Variants in MRPL48 observed in about 807,000 individuals in gnomAD.
The protein encoded by MRPL48 is mitochondrial ribosomal protein L48.
MRPL48 carries 16 observed loss-of-function variants against 32.9 expected under a neutral mutation model. That is an observed-to-expected ratio of 0.49 (90% confidence interval 0.33 to 0.74). The LOEUF (loss-of-function observed/expected upper bound fraction) is 0.74. MRPL48 is among the 30% of genes least tolerant of loss of function. MRPL48 has a pLI of 0.02. For synonymous variants in MRPL48, 94 were observed against 89.2 expected, an observed-to-expected ratio of 1.05 and a Z score of -0.31; for missense variants, 206 against 245.3, an observed-to-expected ratio of 0.84 and a Z score of 1.07.
chr11:73,800,810 CTTTTTTT>C (rs1223951183), intron 1 of MRPL48, among the ~76,000 whole-genome samples: 6,044 of 132,880 alleles, frequency 0.045, 183 homozygotes, highest in Middle Eastern at 0.094. Context: ...TTTTCTTTTT[CTTTTTTT>C]TTTTTTTTTT....
At chr11:73,792,111 A>G (rs968181584) in intron 1 of MRPL48, among the ~76,000 whole-genome samples, 2 of 152,186 alleles carry the variant, frequency 1.3e-5, no homozygotes, top group Non-Finnish European at 2.9e-5. Context: ...ATAAAACTGG[A>G]TAGAGCCAGT....
At position 73,864,447 on chromosome 11, in the gene MRPL48, A is replaced by C. The variant is rs1320404694; in HGVS notation, c.*77A>C. 2 of 1,421,148 alleles carry C rather than the reference A, an allele frequency of 1.4e-6. No individual in the cohort carries two copies. The highest frequency in any genetic ancestry group is 2.8e-5 in the African/African-American group (2 of 70,840). The allele number at this position is 1,421,148 out of a possible 1,614,324, so 88.0% of individuals were successfully genotyped here. On this transcript the variant is annotated 3_prime_UTR_variant, in exon 8 of 8. Coordinates refer to ENST00000310614, the MANE Select transcript of MRPL48 (RefSeq NM_016055.6). Reference sequence around the variant, plus strand: ...AGAGCTTACTGGGTAGTTAGAGTTCATCAGGAGACCCAACCCTTAGATTTC... The same window carrying C: ...AGAGCTTACTGGGTAGTTAGAGTTCCTCAGGAGACCCAACCCTTAGATTTC...
chr11:73,803,729 C>CT (rs955229079), intron 1 of MRPL48, among the ~76,000 whole-genome samples: 10 of 150,920 alleles, frequency 6.6e-5, no homozygotes, highest in Non-Finnish European at 1.0e-4. Context: ...TAAGAACAGA[C>CT]TTTTTTTTTG....
Position 73,859,911 on chromosome 11 carries a change from G to A in MRPL48, c.376G>A (p.Ala126Thr), listed in dbSNP as rs754985264. The A allele has an allele frequency of 5.0e-6, 8 of 1,613,498 alleles. No individual in the cohort carries two copies. The highest frequency in any genetic ancestry group is 6.8e-6 in the Non-Finnish European group (8 of 1,179,734). ...SLSIKVEESY[A>T]MPTKTIEVLQ... Reference sequence around the variant, plus strand: ...GCTGACTCTTCCTTCCCACAGTTATGCAATGCCAACCAAAACCATAGAAGT... The same window carrying A: ...GCTGACTCTTCCTTCCCACAGTTATACAATGCCAACCAAAACCATAGAAGT... Residue 126 changes from alanine (A) to threonine (T), a missense_variant, in exon 6 of 8, where the codon GCA becomes ACA. By Grantham distance (58) the Ala-to-Thr change is moderately conservative. Coordinates refer to ENST00000310614, the MANE Select transcript of MRPL48 (RefSeq NM_016055.6).
At chr11:73,794,451 A>C (rs1947212631) in intron 1 of MRPL48, among the ~76,000 whole-genome samples, 1 of 151,052 alleles carries the variant, frequency 6.6e-6, no homozygotes, top group Non-Finnish European at 1.5e-5. Context: ...GCTACTCGGG[A>C]GGTTGAGGCA....
intron 5 of MRPL48, among the ~76,000 whole-genome samples, chr11:73,845,316 T>G (rs1948269263): frequency 6.6e-6 from 1 of 152,226 alleles, no homozygotes; most frequent in Non-Finnish European, 1.5e-5. Flanking sequence ...ATAATGTGTC[T>G]GACATTCTTT....
chr11:73,808,268 T>G, intron 2 of MRPL48, 45 bp from the exon 3 acceptor site: 1 of 1,544,394 alleles, frequency 6.5e-7, no homozygotes. Flanking sequence ...GCAAATAAAA[T>G]ATGGGTTTCT....
chr11:73,788,702 G>T (rs1947095008), intron 1 of MRPL48, among the ~76,000 whole-genome samples: 1 of 151,964 alleles, frequency 6.6e-6, no homozygotes, highest in South Asian at 2.1e-4. Context: ...TCGAATTCCT[G>T]ACCACGTGAT....
At chr11:73,842,266 C>A (rs1166304904) in intron 4 of MRPL48, 1 of 152,114 alleles carries the variant, frequency 6.6e-6, no homozygotes, top group East Asian at 1.9e-4. Flanking sequence ...TATTTTTGTA[C>A]ATGCTTCCAG....
At chr11:73,808,170 A>T in intron 2 of MRPL48, 143 bp from the exon 3 acceptor site, 1 of 814,564 alleles carries the variant, frequency 1.2e-6, no homozygotes, top group Non-Finnish European at 1.9e-6. Flanking sequence ...GGTCCTTATT[A>T]AAGTTTGTGG....
chr11:73,797,938 T>C (rs1198805373), intron 1 of MRPL48, among the ~76,000 whole-genome samples: 2 of 152,154 alleles, frequency 1.3e-5, no homozygotes, highest in Non-Finnish European at 2.9e-5. Context: ...AGTGCTGATA[T>C]TCAAACACAA....
intron 4 of MRPL48, among the ~76,000 whole-genome samples, chr11:73,830,500 T>C (rs1947973704): frequency 6.6e-6 from 1 of 152,182 alleles, no homozygotes; most frequent in South Asian, 2.1e-4. Flanking sequence ...TCCTGTCTCT[T>C]ATCCCTCTGG....
chr11:73,794,855 C>T (rs1947224940), intron 1 of MRPL48, among the ~76,000 whole-genome samples: 2 of 150,382 alleles, frequency 1.3e-5, no homozygotes, highest in Admixed American at 6.6e-5. Flanking sequence ...AGCGATTCTC[C>T]TGCCTCGACC....
chr11:73,848,344 C>G (rs1374695918), intron 5 of MRPL48, among the ~76,000 whole-genome samples: 1 of 152,128 alleles, frequency 6.6e-6, no homozygotes, highest in Non-Finnish European at 1.5e-5. Flanking sequence ...CACCTGTACC[C>G]ACTGTCTTGA....
At chr11:73,807,558 C>G (rs1304060413) in intron 2 of MRPL48, among the ~76,000 whole-genome samples, 1 of 151,056 alleles carries the variant, frequency 6.6e-6, no homozygotes, top group African/African-American at 2.4e-5. Context: ...ATATAAATAT[C>G]ATTTTGCAAA....
intron 1 of MRPL48, among the ~76,000 whole-genome samples, chr11:73,793,422 T>A (rs1259586801): frequency 6.6e-6 from 1 of 152,168 alleles, no homozygotes; most frequent in East Asian, 1.9e-4. Context: ...CTGACTATGA[T>A]AAATGCTGCA....
At chr11:73,831,167 G>A (rs1947986636) in intron 4 of MRPL48, among the ~76,000 whole-genome samples, 3 of 151,772 alleles carry the variant, frequency 2.0e-5, no homozygotes, top group Admixed American at 2.0e-4. Context: ...TACATGGCCC[G>A]GTTTATAACT....
intron 3 of MRPL48, among the ~76,000 whole-genome samples, chr11:73,818,688 C>A (rs1947718776): frequency 1.3e-5 from 2 of 152,092 alleles, no homozygotes. Flanking sequence ...TGGGGGCTAC[C>A]CCAATTTTTT....
intron 5 of MRPL48, among the ~76,000 whole-genome samples, chr11:73,845,929 G>A (rs1250842457): frequency 6.6e-6 from 1 of 151,896 alleles, no homozygotes; most frequent in African/African-American, 2.4e-5. Flanking sequence ...TTAGCTGGGT[G>A]CAGTGGTGCA....
Sources: allele counts gnomAD v4.1 joint callset (sites outside exome capture counted in the v4.1 genomes callset), GRCh38; gene constraint gnomAD v4.1.1; transcripts MANE v1.5; gene names NCBI Gene and HGNC (gene_info 2026-07-23, HGNC 2026-07-21).